FRMD4B: variants seen among roughly 807,000 people sequenced by gnomAD.
FRMD4B encodes the protein FERM domain-containing protein 4B.
Under a neutral mutation model 141.5 loss-of-function variants are expected in FRMD4B, and 74 were observed. The ratio of observed to expected loss-of-function variants is 0.52; its 90% CI spans 0.43 to 0.63. The LOEUF (loss-of-function observed/expected upper bound fraction) is 0.63, where lower values mean the gene tolerates loss of function less well. Among genes scored for constraint, FRMD4B ranks in the 30% least tolerant of loss-of-function variants. The probability of loss-of-function intolerance (pLI) is 0.00; values close to 1 mark genes in which losing one functional copy is unlikely to be tolerated. For missense variants in FRMD4B, 1,366 were observed against 1,253.4 expected, an observed-to-expected ratio of 1.09 and a Z score of -1.36; for synonymous variants, 506 against 467.9, an observed-to-expected ratio of 1.08 and a Z score of -1.05.
At chr3:69,468,170 A>T (rs973156561) in intron 1 of FRMD4B, among the ~76,000 whole-genome samples, 7 of 152,054 alleles carry the variant, frequency 4.6e-5, no homozygotes, top group East Asian at 1.9e-4. Context: ...GTTTTTTTTT[A>T]AATTACAGGT....
At position 69,455,303 on chromosome 3, in the gene FRMD4B, G is replaced by C. The variant is rs1331889632; in HGVS notation, c.-128-22542C>G. Among the ~76,000 whole-genome samples the C allele has an allele frequency of 3.3e-5, 5 of 152,176 alleles. No individual in the cohort carries two copies. In the East Asian group the frequency reaches 5.8e-4, roughly 18 times the overall value. On this transcript the variant is annotated intron_variant, in intron 1 of 5. Coordinates refer to the FRMD4B transcript ENST00000459638. Reference sequence around the variant, plus strand: ...TCAGGTCTGTTTACATAATGTGGGAGGTTTGTTCTTTCACTCTTTGCAATA... The same window carrying C: ...TCAGGTCTGTTTACATAATGTGGGACGTTTGTTCTTTCACTCTTTGCAATA...
intron 2 of FRMD4B, among the ~76,000 whole-genome samples, chr3:69,423,628 A>C (rs1359940952): frequency 6.6e-6 from 1 of 152,176 alleles, no homozygotes; most frequent in Non-Finnish European, 1.5e-5. Flanking sequence ...CCCGTGTCAG[A>C]ATGATAGGAG....
chr3:69,344,658 T>C (rs72936927), intron 1 of FRMD4B, among the ~76,000 whole-genome samples: 2,131 of 152,314 alleles, frequency 0.014, 55 homozygotes, highest in African/African-American at 0.048. Context: ...AGCCACACCA[T>C]ACTGTTGTAT....
chr3:69,301,694 G>A (rs1308727742), intron 4 of FRMD4B, among the ~76,000 whole-genome samples: 1 of 152,186 alleles, frequency 6.6e-6, no homozygotes, highest in Non-Finnish European at 1.5e-5. Flanking sequence ...GTTCTATCAT[G>A]AGATGGATTT....
chr3:69,331,233 T>C (rs1197453704), intron 1 of FRMD4B, among the ~76,000 whole-genome samples: 3 of 152,218 alleles, frequency 2.0e-5, no homozygotes, highest in African/African-American at 7.2e-5. Context: ...CAGGGGATTA[T>C]GCAAACTCAT....
At chr3:69,485,130 T>C (rs1268505125) in intron 1 of FRMD4B, among the ~76,000 whole-genome samples, 6 of 152,070 alleles carry the variant, frequency 3.9e-5, no homozygotes, top group Non-Finnish European at 7.4e-5. Context: ...ATTACCAAAG[T>C]CCTGAGGGGC....
intron 1 of FRMD4B, among the ~76,000 whole-genome samples, chr3:69,446,024 T>C (rs1177154134): frequency 1.3e-5 from 2 of 152,056 alleles, no homozygotes; most frequent in African/African-American, 2.4e-5. Flanking sequence ...TATGTGTTGA[T>C]TTATTTATTT....
chr3:69,188,775 A>AAAAAAAAAAAAACC (rs1553696831), intron 18 of FRMD4B, among the ~76,000 whole-genome samples: 2 of 148,198 alleles, frequency 1.3e-5, no homozygotes, highest in African/African-American at 5.1e-5. Context: ...AAAAAAAAAA[A>AAAAAAAAAAAAACC]AAAAAAAAAC....
intron 3 of FRMD4B, among the ~76,000 whole-genome samples, chr3:69,308,161 T>G (rs1701455005): frequency 6.6e-6 from 1 of 152,182 alleles, no homozygotes; most frequent in African/African-American, 2.4e-5. Context: ...CTCCCTTTTA[T>G]TGTGGGCCGG....
intron 1 of FRMD4B, among the ~76,000 whole-genome samples, chr3:69,345,978 C>G (rs573841894): frequency 6.6e-6 from 1 of 152,212 alleles, no homozygotes; most frequent in South Asian, 2.1e-4. Context: ...CAAAGCTGGA[C>G]AGAGAATGAC....
At chr3:69,339,017 AT>A (rs1349753856) in intron 1 of FRMD4B, among the ~76,000 whole-genome samples, 2 of 151,570 alleles carry the variant, frequency 1.3e-5, no homozygotes, top group Non-Finnish European at 2.9e-5. Flanking sequence ...ATCTTTACGC[AT>A]CCCCCGCCAT....
chr3:69,205,059 CAAAAAA>C (rs33955997), intron 11 of FRMD4B, among the ~76,000 whole-genome samples: 3 of 124,464 alleles, frequency 2.4e-5, no homozygotes, highest in South Asian at 5.1e-4. Context: ...ATGTTTTTAA[CAAAAAA>C]AAAAAAAAAG....
At chr3:69,269,256 T>A (rs539300305) in intron 5 of FRMD4B, among the ~76,000 whole-genome samples, 110 of 151,926 alleles carry the variant, frequency 7.2e-4, no homozygotes, top group South Asian at 4.4e-3. Flanking sequence ...ACCGTCCTCC[T>A]GGGAATTTTG....
chr3:69,272,404 C>G (rs2093598494), intron 5 of FRMD4B, among the ~76,000 whole-genome samples: 1 of 152,244 alleles, frequency 6.6e-6, no homozygotes. Flanking sequence ...AGGTGATCCG[C>G]CTGCCTCGGC....
intron 1 of FRMD4B, among the ~76,000 whole-genome samples, chr3:69,538,308 A>T (rs960346337): frequency 5.9e-5 from 9 of 152,334 alleles, no homozygotes; most frequent in African/African-American, 2.2e-4. Context: ...GTAAGAAAAA[A>T]ATATATATTG....
chr3:69,522,084 A>AT (rs1280510847), intron 1 of FRMD4B, among the ~76,000 whole-genome samples: 1 of 152,066 alleles, frequency 6.6e-6, no homozygotes, highest in Non-Finnish European at 1.5e-5. Context: ...TCTGACTCAG[A>AT]TTCTTCGGAT....
Position 69,229,830 on chromosome 3 carries a change from G to A in FRMD4B, c.582-5140C>T, listed in dbSNP as rs542960709. Among the ~76,000 whole-genome samples the A allele has an allele frequency of 1.1e-4, 16 of 152,036 alleles. No individual in the cohort carries two copies. The South Asian group carries it at 1.7e-3, about 16-fold the overall frequency. On this transcript the variant is annotated intron_variant, in intron 7 of 22. Transcript: ENST00000398540. ...AAATGATTCTCCTGCCTCAGCCTCCGGAGTAGCTGGGACTACAGGTGTACG... is the reference window on the plus strand; with the variant it reads ...AAATGATTCTCCTGCCTCAGCCTCCAGAGTAGCTGGGACTACAGGTGTACG...
chr3:69,456,089 G>A (rs929967634), intron 1 of FRMD4B, among the ~76,000 whole-genome samples: 4 of 152,142 alleles, frequency 2.6e-5, no homozygotes, highest in Admixed American at 1.3e-4. Flanking sequence ...AAGAACTTGT[G>A]AGCTTTCCAT....
At chr3:69,235,466 C>A (rs1236530908) in intron 7 of FRMD4B, among the ~76,000 whole-genome samples, 1 of 151,842 alleles carries the variant, frequency 6.6e-6, no homozygotes, top group East Asian at 1.9e-4. Context: ...TCAAGACCAG[C>A]CTGGCTTTGA....
Sources: allele counts gnomAD v4.1 joint callset (sites outside exome capture counted in the v4.1 genomes callset), GRCh38; gene constraint gnomAD v4.1.1; transcripts MANE v1.5; gene names NCBI Gene and HGNC (gene_info 2026-07-23, HGNC 2026-07-21).